The following CSMD1 variants were observed in gnomAD, a reference collection of about 807,000 sequenced individuals.
The protein encoded by CSMD1 is CUB and Sushi multiple domains 1.
Under a neutral mutation model 417.5 loss-of-function variants are expected in CSMD1, and 213 were observed. That is an observed-to-expected ratio of 0.51 (90% CI 0.46 to 0.57). The LOEUF (loss-of-function observed/expected upper bound fraction) is 0.57, where lower values mean the gene tolerates loss of function less well. Ranked by LOEUF, CSMD1 falls within the 20% of genes least tolerant of loss-of-function variation. The pLI is 0.00. For missense variants in CSMD1, 6,923 were observed against 4,529.7 expected (o/e 1.53, Z -15.17); for synonymous variants, 2,862 against 1,736.8 (o/e 1.65, Z -16.11).
At position 4,827,369 on chromosome 8, in the gene CSMD1, C is replaced by A. The variant is rs555881112; in HGVS notation, c.85+166963G>T. Among the ~76,000 whole-genome samples, 9 of 152,220 alleles carry A rather than the reference C, an allele frequency of 5.9e-5. No individual in the cohort carries two copies. In the East Asian group the frequency reaches 1.7e-3, roughly 29 times the overall value. On this transcript the variant is annotated intron_variant, in intron 1 of 69. Transcript: ENST00000635120. ...GCACACTAAGACACACAAAGCCCAG[C>A]GGCTGCTCGAGTTACCTTCCTCGAC...
rs758955977 is a variant in CSMD1 at position 2,998,160 on chromosome 8, T to C, written c.8228A>G (p.Asn2743Ser). The C allele has an allele frequency of 6.2e-7, 1 of 1,613,850 alleles. No homozygotes were observed. The highest frequency in any genetic ancestry group is 8.5e-7 in the Non-Finnish European group (1 of 1,179,868). ...CVPITCGHPGNPAHGFTNGSE... is the reference protein window; with the variant it reads ...CVPITCGHPGSPAHGFTNGSE... ...GCCATTAGTGAATCCGTGGGCAGGGTTTCCAGGGTGACCACATGTGATGGC... is the reference window on the plus strand; with the variant it reads ...GCCATTAGTGAATCCGTGGGCAGGGCTTCCAGGGTGACCACATGTGATGGC... Residue 2743 changes from asparagine (N) to serine (S), a missense_variant, in exon 54 of 70, where the codon AAC becomes AGC. Physicochemically the swap from Asn to Ser is conservative, Grantham distance 46. Coordinates refer to ENST00000635120, the MANE Select transcript of CSMD1 (RefSeq NM_033225.6).
intron 3 of CSMD1, among the ~76,000 whole-genome samples, chr8:4,171,672 T>C (rs780523632): frequency 4.0e-5 from 6 of 149,786 alleles, no homozygotes; most frequent in African/African-American, 7.7e-5. Flanking sequence ...GATAAACTGG[T>C]AGAATATTTA....
chr8:3,610,295 T>A (rs906414666), intron 8 of CSMD1, among the ~76,000 whole-genome samples: 11 of 152,178 alleles, frequency 7.2e-5, no homozygotes, highest in Non-Finnish European at 1.3e-4. Flanking sequence ...CAATTTTGAA[T>A]GTCAAGGAGG....
intron 2 of CSMD1, among the ~76,000 whole-genome samples, chr8:4,553,814 A>G (rs944783638): frequency 4.6e-5 from 7 of 152,202 alleles, no homozygotes; most frequent in East Asian, 1.9e-4. Context: ...TGGATCATCT[A>G]TTTACAAGGG....
chr8:4,666,117 C>T (rs1417808582), intron 1 of CSMD1, among the ~76,000 whole-genome samples: 2 of 152,086 alleles, frequency 1.3e-5, no homozygotes, highest in African/African-American at 4.8e-5. Flanking sequence ...CTGGGGGGCG[C>T]TGAGCATCTT....
At chr8:3,288,080 G>A (rs1473612093) in intron 25 of CSMD1, among the ~76,000 whole-genome samples, 1 of 147,160 alleles carries the variant, frequency 6.8e-6, no homozygotes, top group South Asian at 2.1e-4. Context: ...TTTGTCTTTG[G>A]TTCTGTTTAT....
intron 5 of CSMD1, among the ~76,000 whole-genome samples, chr8:3,866,093 C>A (rs1045602036): frequency 1.3e-5 from 2 of 152,106 alleles, no homozygotes; most frequent in African/African-American, 2.4e-5. Flanking sequence ...GAGCTTTCTT[C>A]CAAATAAGGA....
chr8:4,834,899 G>A (rs1353904584), intron 1 of CSMD1, among the ~76,000 whole-genome samples: 74 of 129,676 alleles, frequency 5.7e-4, no homozygotes, highest in African/African-American at 1.9e-3. Flanking sequence ...GGAGCTTGCA[G>A]TGATCTGAGA....
chr8:4,821,624 A>G (rs1311774545), intron 1 of CSMD1, among the ~76,000 whole-genome samples: 2 of 152,144 alleles, frequency 1.3e-5, no homozygotes, highest in Non-Finnish European at 2.9e-5. Context: ...TCAGAAAAAT[A>G]GGGAAGTTTA....
chr8:3,361,833 G>C (rs4487803), intron 20 of CSMD1, among the ~76,000 whole-genome samples: 99,653 of 151,890 alleles, frequency 0.66, 32,733 homozygotes, highest in Admixed American at 0.73. Flanking sequence ...AAGCAACTTA[G>C]AAGGACAGAA....
intron 4 of CSMD1, among the ~76,000 whole-genome samples, chr8:4,017,253 G>C (rs761561121): frequency 6.6e-6 from 1 of 151,844 alleles, no homozygotes; most frequent in Non-Finnish European, 1.5e-5. Context: ...ACAATTCAAG[G>C]CTATGCAATT....
intron 39 of CSMD1, among the ~76,000 whole-genome samples, chr8:3,153,772 T>C (rs1310958357): frequency 6.6e-6 from 1 of 152,172 alleles, no homozygotes. Flanking sequence ...CAACTCTCTG[T>C]GTGATGGGAA....
At chr8:4,040,530 G>A (rs946768255) in intron 3 of CSMD1, among the ~76,000 whole-genome samples, 2 of 152,192 alleles carry the variant, frequency 1.3e-5, no homozygotes, top group Non-Finnish European at 1.5e-5. Flanking sequence ...AACATCAGAA[G>A]AGGTGATGAT....
At chr8:4,340,490 G>C (rs1800412129) in intron 3 of CSMD1, among the ~76,000 whole-genome samples, 1 of 152,058 alleles carries the variant, frequency 6.6e-6, no homozygotes, top group South Asian at 2.1e-4. Flanking sequence ...ACTCCTCATG[G>C]TCGAGTCCCC....
rs1027674480 is a variant in CSMD1 at position 4,169,048 on chromosome 8, T to G, written c.416-136949A>C. On this transcript the variant is annotated intron_variant, in intron 3 of 69. Coordinates refer to ENST00000635120, the MANE Select transcript of CSMD1 (RefSeq NM_033225.6). ...TCCAGTTGCTGGTTTCTTCTTTTCTTTCTGACCTCTGGATGTTTCTCCCTA... is the reference window on the plus strand; with the variant it reads ...TCCAGTTGCTGGTTTCTTCTTTTCTGTCTGACCTCTGGATGTTTCTCCCTA... Among the ~76,000 whole-genome samples, 5 of 152,206 alleles carry G rather than the reference T, an allele frequency of 3.3e-5. No individual in the cohort carries two copies. The East Asian group carries it at 9.6e-4, about 29-fold the overall frequency.
At chr8:3,342,262 G>A (rs930820009) in intron 23 of CSMD1, among the ~76,000 whole-genome samples, 4 of 152,036 alleles carry the variant, frequency 2.6e-5, no homozygotes, top group Non-Finnish European at 5.9e-5. Flanking sequence ...ATTAATCTTC[G>A]TCTTAGGCTC....
intron 2 of CSMD1, among the ~76,000 whole-genome samples, chr8:4,423,735 CAAAA>C (rs144281230): frequency 3.4e-5 from 5 of 147,512 alleles, no homozygotes; most frequent in Admixed American, 6.8e-5. Context: ...GGCAAACAAA[CAAAA>C]AAAAATAGAA....
chr8:4,038,852 G>A (rs924201421), intron 3 of CSMD1, among the ~76,000 whole-genome samples: 2 of 152,120 alleles, frequency 1.3e-5, no homozygotes, highest in African/African-American at 4.8e-5. Flanking sequence ...TTGTACATCA[G>A]GGCTTGAAAC....
intron 3 of CSMD1, among the ~76,000 whole-genome samples, chr8:4,192,768 A>T (rs1158149265): frequency 3.3e-5 from 5 of 152,166 alleles, no homozygotes; most frequent in Admixed American, 3.3e-4. Context: ...TTCCATTTTC[A>T]AGAATTTCCA....
Sources: gnomAD v4.1 joint callset for allele counts (sites outside exome capture counted in the v4.1 genomes callset) on GRCh38, gnomAD v4.1.1 for gene constraint, MANE v1.5 for transcripts, NCBI Gene and HGNC (gene_info 2026-07-23, HGNC 2026-07-21) for gene names.